Variants in SLC36A1 observed in about 807,000 individuals in gnomAD.
SLC36A1 encodes the protein proton-coupled amino acid transporter 1.
Under a neutral mutation model 47.5 loss-of-function variants are expected in SLC36A1, and 30 were observed. That is an observed-to-expected ratio of 0.63 (90% CI 0.47 to 0.86). The LOEUF is 0.86. Among genes scored for constraint, SLC36A1 ranks in the 40% least tolerant of loss-of-function variants. The pLI, the probability that SLC36A1 is intolerant of heterozygous loss-of-function variation, is 0.00. For synonymous variants in SLC36A1, 255 were observed against 249.7 expected (o/e 1.02, Z -0.20); for missense variants, 517 against 606.0 (o/e 0.85, Z 1.54).
chr5:151,358,854 G>T, the SLC36A1 span, among the ~76,000 whole-genome samples: 1 of 151,482 alleles, frequency 6.6e-6, no homozygotes, highest in Non-Finnish European at 1.5e-5. Context: ...GGTGCCTGTA[G>T]TCCCAGCTAC....
chr5:151,540,752 G>A, the SLC36A1 span: 2 of 1,613,658 alleles, frequency 1.2e-6, no homozygotes, highest in African/African-American at 2.7e-5. Context: ...AACTGGCCCA[G>A]GGGGTCTCCC....
chr5:151,363,376 A>T, the SLC36A1 span, among the ~76,000 whole-genome samples: 2 of 152,170 alleles, frequency 1.3e-5, no homozygotes, highest in African/African-American at 4.8e-5. Flanking sequence ...GAGGGTTGCC[A>T]TGAATATGGA....
intron 10 of SLC36A1, among the ~76,000 whole-genome samples, chr5:151,484,248 C>T (rs1179644038): frequency 6.6e-6 from 1 of 152,172 alleles, no homozygotes; most frequent in African/African-American, 2.4e-5. Flanking sequence ...GATTTGTCTC[C>T]TGCCAGGGAC....
the SLC36A1 span, among the ~76,000 whole-genome samples, chr5:151,548,760 C>T: frequency 1.8e-3 from 269 of 152,242 alleles, no homozygotes; most frequent in African/African-American, 6.1e-3. Flanking sequence ...GGATTACAGG[C>T]GTGAGCCACC....
At chr5:151,526,293 AT>A in the SLC36A1 span, among the ~76,000 whole-genome samples, 1 of 152,226 alleles carries the variant, frequency 6.6e-6, no homozygotes, top group Non-Finnish European at 1.5e-5. Context: ...TGAATCATGT[AT>A]TTAAATTAGT....
intron 1 of SLC36A1, among the ~76,000 whole-genome samples, chr5:151,455,519 G>C (rs1754370070): frequency 1.3e-5 from 2 of 152,180 alleles, no homozygotes; most frequent in Non-Finnish European, 1.5e-5. Flanking sequence ...TCTCTGCAGT[G>C]TTTGAGATAA....
chr5:151,518,378 T>A, the SLC36A1 span, among the ~76,000 whole-genome samples: 3 of 53,798 alleles, frequency 5.6e-5, no homozygotes, highest in South Asian at 2.2e-3. Context: ...AATAATAATT[T>A]TTAAAAGAAA....
chr5:151,516,540 A>G, the SLC36A1 span, among the ~76,000 whole-genome samples: 13 of 152,054 alleles, frequency 8.5e-5, no homozygotes, highest in Non-Finnish European at 2.9e-5. Context: ...TAAAAATTGC[A>G]ACTCTCCTCA....
chr5:151,458,108 A>G (rs1242263924), intron 1 of SLC36A1, among the ~76,000 whole-genome samples: 2 of 151,670 alleles, frequency 1.3e-5, no homozygotes, highest in Non-Finnish European at 2.9e-5. Context: ...TTGGCCTCCC[A>G]AAGTGCTGGG....
At chr5:151,468,421 ATATT>A (rs542855357) in intron 7 of SLC36A1, among the ~76,000 whole-genome samples, 234 of 145,490 alleles carry the variant, frequency 1.6e-3, no homozygotes, top group Admixed American at 2.7e-3. Context: ...AATGTATGTA[ATATT>A]TATATATTGT....
chr5:151,347,315 T>A, the SLC36A1 span: 6 of 1,613,832 alleles, frequency 3.7e-6, no homozygotes, highest in Non-Finnish European at 4.2e-6. Flanking sequence ...CTTGGTCTTC[T>A]TCAAGCCTGC....
intron 10 of SLC36A1, among the ~76,000 whole-genome samples, chr5:151,481,964 C>A (rs1008115954): frequency 3.3e-5 from 5 of 152,270 alleles, no homozygotes; most frequent in African/African-American, 1.2e-4. Flanking sequence ...AATAACCCAT[C>A]CATCCTTCAG....
At chr5:151,486,922 A>G (rs1051286256) in intron 10 of SLC36A1, among the ~76,000 whole-genome samples, 1 of 152,228 alleles carries the variant, frequency 6.6e-6, no homozygotes, top group Non-Finnish European at 1.5e-5. Flanking sequence ...AGACATCCCT[A>G]CTGTACACCA....
intron 3 of SLC36A1, 44 bp from the exon 4 acceptor site, chr5:151,464,470 A>C (rs776951279): frequency 6.5e-7 from 1 of 1,538,662 alleles, no homozygotes; most frequent in African/African-American, 1.4e-5. Context: ...TCCTAATTCT[A>C]CCTACTTTTC....
At chr5:151,549,822 CA>C in the SLC36A1 span, among the ~76,000 whole-genome samples, 1 of 151,698 alleles carries the variant, frequency 6.6e-6, no homozygotes, top group Non-Finnish European at 1.5e-5. Flanking sequence ...ACATGTCATG[CA>C]GGAAAAAAAA....
At chr5:151,544,248 T>C in the SLC36A1 span, 1 of 1,614,166 alleles carries the variant, frequency 6.2e-7, no homozygotes, top group South Asian at 1.1e-5. Context: ...AAGCCAACAG[T>C]TGGATCACAG....
At chr5:151,542,454 C>T in the SLC36A1 span, 1 of 1,614,168 alleles carries the variant, frequency 6.2e-7, no homozygotes, top group Non-Finnish European at 8.5e-7. Context: ...AGACCTGAAC[C>T]AGGGCCTGAG....
chr5:151,507,326 G>A, the SLC36A1 span: 1 of 1,614,200 alleles, frequency 6.2e-7, no homozygotes, highest in Non-Finnish European at 8.5e-7. Context: ...GTTCCGGTTG[G>A]TTGAGGTTGT....
At chr5:151,537,429 AGAGGAAAGGAGAGGG>A in the SLC36A1 span, among the ~76,000 whole-genome samples, 17 of 99,244 alleles carry the variant, frequency 1.7e-4, no homozygotes, top group African/African-American at 5.8e-4. Context: ...AAAGGAAAGG[AGAGGAAAGGAGAGGG>A]GAGGGGAGGG....
Sources: gnomAD v4.1 joint callset for allele counts (sites outside exome capture counted in the v4.1 genomes callset) on GRCh38, gnomAD v4.1.1 for gene constraint, MANE v1.5 for transcripts, NCBI Gene and HGNC (gene_info 2026-07-23, HGNC 2026-07-21) for gene names.